Variants in RALGPS1 observed in about 807,000 individuals in gnomAD.
RALGPS1 encodes Ral GEF with PH domain and SH3 binding motif 1, also known as ras-specific guanine nucleotide-releasing factor RalGPS1.
A neutral mutation model predicts 78.8 loss-of-function variants in RALGPS1; 19 were observed. The ratio of observed to expected loss-of-function variants is 0.24; its 90% CI spans 0.17 to 0.35. The LOEUF is 0.35. Among genes scored for constraint, RALGPS1 ranks in the 10% least tolerant of loss-of-function variants. RALGPS1 has a pLI of 1.00. For missense variants in RALGPS1, 454 were observed against 688.3 expected, an observed-to-expected ratio of 0.66 and a Z score of 3.81; for synonymous variants, 228 against 256.3, an observed-to-expected ratio of 0.89 and a Z score of 1.06.
At chr9:126,931,042 A>G (rs1454720397) in intron 1 of RALGPS1, among the ~76,000 whole-genome samples, 1 of 152,260 alleles carries the variant, frequency 6.6e-6, no homozygotes, top group Non-Finnish European at 1.5e-5. Flanking sequence ...ATTAGGCCAG[A>G]GTAGGTATGG....
intron 2 of RALGPS1, among the ~76,000 whole-genome samples, chr9:126,962,573 C>T (rs970589930): frequency 6.6e-6 from 1 of 152,248 alleles, no homozygotes; most frequent in African/African-American, 2.4e-5. Flanking sequence ...CAAATACCTG[C>T]CCAGTCCAGC....
intron 11 of RALGPS1, among the ~76,000 whole-genome samples, chr9:127,190,522 A>G (rs1277119736): frequency 2.0e-5 from 3 of 151,910 alleles, no homozygotes; most frequent in East Asian, 1.9e-4. Flanking sequence ...ACGGGGTTTC[A>G]CTGTGTTGCC....
intron 9 of RALGPS1, among the ~76,000 whole-genome samples, chr9:127,168,154 C>G (rs1315692920): frequency 6.6e-6 from 1 of 152,232 alleles, no homozygotes; most frequent in Non-Finnish European, 1.5e-5. Flanking sequence ...GGACCCCTCC[C>G]TTTCTTCCTA....
intron 8 of RALGPS1, among the ~76,000 whole-genome samples, chr9:127,143,241 A>G (rs1020218542): frequency 3.9e-5 from 6 of 152,192 alleles, no homozygotes; most frequent in Non-Finnish European, 7.3e-5. Flanking sequence ...TGCTGAGTCA[A>G]AGGATACCAA....
intron 8 of RALGPS1, among the ~76,000 whole-genome samples, chr9:127,130,277 T>G (rs1417509855): frequency 1.3e-5 from 2 of 152,234 alleles, no homozygotes. Flanking sequence ...AAGTGAGACA[T>G]TGTGAGTACA....
intron 4 of RALGPS1, among the ~76,000 whole-genome samples, chr9:127,025,303 G>T (rs1318825784): frequency 6.6e-6 from 1 of 152,186 alleles, no homozygotes; most frequent in Non-Finnish European, 1.5e-5. Flanking sequence ...ACCAGCTGGT[G>T]GAAATCCGGG....
intron 8 of RALGPS1, among the ~76,000 whole-genome samples, chr9:127,092,272 G>A (rs2052581373): frequency 6.6e-6 from 1 of 152,230 alleles, no homozygotes; most frequent in South Asian, 2.1e-4. Context: ...TAGGCACGCA[G>A]CAGGCATTCC....
At chr9:127,191,633 T>A (rs1169165152) in intron 11 of RALGPS1, among the ~76,000 whole-genome samples, 1 of 152,156 alleles carries the variant, frequency 6.6e-6, no homozygotes, top group Non-Finnish European at 1.5e-5. Flanking sequence ...TTCAGAATAG[T>A]CTTGGCTACT....
intron 8 of RALGPS1, among the ~76,000 whole-genome samples, chr9:127,125,539 A>G (rs1037827124): frequency 6.6e-6 from 1 of 152,212 alleles, no homozygotes; most frequent in Non-Finnish European, 1.5e-5. Flanking sequence ...GGGCTGAAGC[A>G]TTCGGCCCTG....
At chr9:126,946,974 T>C (rs989290529) in intron 1 of RALGPS1, among the ~76,000 whole-genome samples, 2 of 152,212 alleles carry the variant, frequency 1.3e-5, no homozygotes, top group South Asian at 4.1e-4. Flanking sequence ...AGATTGTAGA[T>C]GCTTATGTGG....
At chr9:127,084,274 A>G (rs971958481) in intron 8 of RALGPS1, among the ~76,000 whole-genome samples, 9 of 151,910 alleles carry the variant, frequency 5.9e-5, no homozygotes, top group African/African-American at 1.9e-4. Flanking sequence ...TGCCTCCCCA[A>G]CCTGTTCACT....
chr9:126,958,578 A>G (rs1459495230), intron 1 of RALGPS1, among the ~76,000 whole-genome samples: 1 of 152,136 alleles, frequency 6.6e-6, no homozygotes, highest in Non-Finnish European at 1.5e-5. Context: ...TTGTTGGTGA[A>G]GTGGCTGTAT....
intron 1 of RALGPS1, among the ~76,000 whole-genome samples, chr9:126,952,674 T>C (rs2037960292): frequency 9.5e-6 from 1 of 104,798 alleles, no homozygotes; most frequent in Non-Finnish European, 2.4e-5. Flanking sequence ...TGTGTGTGTG[T>C]GTGTGTCTGT....
chr9:127,217,189 C>T, intron 18 of RALGPS1: 1 of 1,235,022 alleles, frequency 8.1e-7, no homozygotes, highest in South Asian at 3.9e-5. Context: ...TGTAGCATGG[C>T]AAGGCTACAA....
At chr9:127,069,124 C>A (rs947447463) in intron 7 of RALGPS1, 106 bp from the exon 8 acceptor site, 2 of 1,141,044 alleles carry the variant, frequency 1.8e-6, no homozygotes, top group Non-Finnish European at 2.5e-6. Flanking sequence ...TTCGGCACAC[C>A]ATAGATATGT....
chr9:126,919,417 C>T (rs1433874757), intron 1 of RALGPS1, among the ~76,000 whole-genome samples: 5 of 152,082 alleles, frequency 3.3e-5, no homozygotes, highest in African/African-American at 1.2e-4. Flanking sequence ...GGATGCAAGG[C>T]GGAGTACAGA....
intron 10 of RALGPS1, among the ~76,000 whole-genome samples, chr9:127,171,613 G>A (rs1265453823): frequency 6.6e-6 from 1 of 152,186 alleles, no homozygotes; most frequent in Admixed American, 6.5e-5. Context: ...ACAAAAATTA[G>A]TCTGGCGTGG....
chr9:126,933,465 G>A (rs1323247109), intron 1 of RALGPS1, among the ~76,000 whole-genome samples: 1 of 152,178 alleles, frequency 6.6e-6, no homozygotes, highest in Non-Finnish European at 1.5e-5. Flanking sequence ...GCAGAGAGAA[G>A]AACCAAGGGA....
chr9:127,087,745 C>T (rs1360322379), intron 8 of RALGPS1: 1 of 152,128 alleles, frequency 6.6e-6, no homozygotes, highest in Non-Finnish European at 1.5e-5. Flanking sequence ...CACTTGTTCT[C>T]CAGGGAAGTG....
Sources: allele counts gnomAD v4.1 joint callset (sites outside exome capture counted in the v4.1 genomes callset), GRCh38; gene constraint gnomAD v4.1.1; transcripts MANE v1.5; gene names NCBI Gene and HGNC (gene_info 2026-07-23, HGNC 2026-07-21).